The following PACRG variants were observed in gnomAD, a reference collection of about 807,000 sequenced individuals.
The protein encoded by PACRG is parkin coregulated, also known as parkin coregulated gene protein.
Under a neutral mutation model 29.7 loss-of-function variants are expected in PACRG, and 29 were observed. The ratio of observed to expected loss-of-function variants is 0.98; its 90% CI spans 0.73 to 1.33. The LOEUF is 1.33. Among genes scored for constraint, PACRG ranks in the 40% most tolerant of loss-of-function variants. The pLI is 0.00. For synonymous variants in PACRG, 116 were observed against 118.7 expected (o/e 0.98, Z 0.15); for missense variants, 279 against 316.2 (o/e 0.88, Z 0.89).
chr6:162,832,143 A>G (rs939195255), intron 2 of PACRG, among the ~76,000 whole-genome samples: 1 of 152,126 alleles, frequency 6.6e-6, no homozygotes. Flanking sequence ...AAGCGTTCCT[A>G]TTTCTCCATA....
chr6:163,187,933 A>G (rs1341632403), intron 4 of PACRG: 1 of 152,216 alleles, frequency 6.6e-6, no homozygotes, highest in Non-Finnish European at 1.5e-5. Context: ...CATGCCTCAC[A>G]CTAAGTCAAT....
intron 2 of PACRG, among the ~76,000 whole-genome samples, chr6:163,040,654 G>A (rs1298517161): frequency 1.3e-5 from 2 of 152,212 alleles, no homozygotes; most frequent in South Asian, 2.1e-4. Context: ...AAAATATGGA[G>A]TCAAAGGAGA....
rs60851651 is a variant in PACRG at position 162,762,009 on chromosome 6, T to C, written c.156+33618T>C. The stretch of plus-strand genomic sequence containing the variant: ...GACACTAAATTTACATGTTATAAAG[T>C]CTCTAAACATTCAAAGAAACAAGCA... On this transcript the variant is annotated intron_variant, in intron 1 of 4. Transcript: ENST00000366888. Among the ~76,000 whole-genome samples, 990 of 136,172 alleles carry C rather than the reference T, an allele frequency of 7.3e-3. 8 individuals are homozygous for C. The highest frequency in any genetic ancestry group is 0.025 in the African/African-American group (909 of 36,012). 89.3% of individuals were successfully genotyped at this position (136,172 alleles called of 152,430 possible).
chr6:163,234,159 T>A (rs1049908482), intron 4 of PACRG, among the ~76,000 whole-genome samples: 6 of 151,924 alleles, frequency 3.9e-5, no homozygotes, highest in Non-Finnish European at 7.4e-5. Context: ...TCTGCTATAG[T>A]TTGGGTATGG....
At chr6:163,147,320 G>A (rs567321059) in intron 4 of PACRG, among the ~76,000 whole-genome samples, 13 of 152,268 alleles carry the variant, frequency 8.5e-5, no homozygotes, top group African/African-American at 3.1e-4. Flanking sequence ...TGAAAATGTA[G>A]CATTCTTATA....
chr6:163,168,772 A>G (rs1778936546), intron 4 of PACRG, among the ~76,000 whole-genome samples: 1 of 152,224 alleles, frequency 6.6e-6, no homozygotes, highest in African/African-American at 2.4e-5. Context: ...TCTACACTGA[A>G]TATTTTAAAT....
intron 2 of PACRG, among the ~76,000 whole-genome samples, chr6:162,883,590 T>C (rs1353061597): frequency 6.6e-6 from 1 of 152,174 alleles, no homozygotes. Flanking sequence ...TTTAAAATAT[T>C]TTCCAGTCTC....
At chr6:162,802,697 T>C (rs994708386) in intron 1 of PACRG, among the ~76,000 whole-genome samples, 1 of 152,120 alleles carries the variant, frequency 6.6e-6, no homozygotes, top group Non-Finnish European at 1.5e-5. Context: ...CAGTCTGGCT[T>C]CCACCTCATC....
At chr6:163,132,265 G>A (rs930788592) in intron 4 of PACRG, among the ~76,000 whole-genome samples, 4 of 152,060 alleles carry the variant, frequency 2.6e-5, no homozygotes, top group Admixed American at 2.6e-4. Flanking sequence ...CTTTTTAATA[G>A]CATTCCTTTG....
chr6:162,778,329 G>C (rs1783813222), intron 1 of PACRG, among the ~76,000 whole-genome samples: 1 of 152,124 alleles, frequency 6.6e-6, no homozygotes, highest in African/African-American at 2.4e-5. Flanking sequence ...CTGGGAATTT[G>C]ATTTGTTCCT....
At chr6:163,048,720 A>G (rs534316252) in intron 2 of PACRG, among the ~76,000 whole-genome samples, 51 of 152,232 alleles carry the variant, frequency 3.4e-4, no homozygotes, top group African/African-American at 1.2e-3. Flanking sequence ...TCTTTCTATA[A>G]TGGTTTTCTC....
chr6:163,150,427 T>C (rs966471152), intron 4 of PACRG, among the ~76,000 whole-genome samples: 1 of 152,092 alleles, frequency 6.6e-6, no homozygotes, highest in African/African-American at 2.4e-5. Flanking sequence ...ACCTTCCTGC[T>C]CCCTCGCCTG....
intron 4 of PACRG, among the ~76,000 whole-genome samples, chr6:163,276,495 A>G (rs1355657047): frequency 6.6e-6 from 1 of 151,930 alleles, no homozygotes; most frequent in Non-Finnish European, 1.5e-5. Flanking sequence ...CCAGCTTCTA[A>G]CCCTTCATTC....
At chr6:162,807,560 G>A (rs1165148304) in intron 1 of PACRG, among the ~76,000 whole-genome samples, 1 of 152,144 alleles carries the variant, frequency 6.6e-6, no homozygotes, top group Non-Finnish European at 1.5e-5. Context: ...AATTGGTGGA[G>A]CAGTTAGAAC....
At chr6:162,806,211 C>T (rs545015073) in intron 1 of PACRG, among the ~76,000 whole-genome samples, 7 of 151,682 alleles carry the variant, frequency 4.6e-5, no homozygotes, top group South Asian at 2.1e-4. Context: ...CGGGTTCAAG[C>T]GATTCTCCTG....
At chr6:162,967,770 G>T (rs1476701929) in intron 2 of PACRG, among the ~76,000 whole-genome samples, 1 of 152,012 alleles carries the variant, frequency 6.6e-6, no homozygotes, top group African/African-American at 2.4e-5. Flanking sequence ...GCCTCCCAAC[G>T]TGCTAGGATT....
chr6:163,048,195 T>G (rs891121849), intron 2 of PACRG, among the ~76,000 whole-genome samples: 2 of 152,194 alleles, frequency 1.3e-5, no homozygotes, highest in African/African-American at 4.8e-5. Flanking sequence ...GTTACCACAT[T>G]AGCTAGAACC....
At chr6:162,960,425 T>A (rs61606501) in intron 2 of PACRG, among the ~76,000 whole-genome samples, 3 of 152,138 alleles carry the variant, frequency 2.0e-5, no homozygotes, top group East Asian at 1.9e-4. Flanking sequence ...CTACACAGCC[T>A]TAAAAAGAAT....
At chr6:163,140,284 G>A (rs1046375296) in intron 4 of PACRG, among the ~76,000 whole-genome samples, 4 of 152,112 alleles carry the variant, frequency 2.6e-5, no homozygotes, top group African/African-American at 9.7e-5. Flanking sequence ...CAGTGAGGGG[G>A]CCTGAAGCCT....
Sources: allele counts gnomAD v4.1 joint callset (sites outside exome capture counted in the v4.1 genomes callset), GRCh38; gene constraint gnomAD v4.1.1; transcripts MANE v1.5; gene names NCBI Gene and HGNC (gene_info 2026-07-23, HGNC 2026-07-21).